TACC1: variants seen among roughly 807,000 people sequenced by gnomAD.
The protein encoded by TACC1 is transforming acidic coiled-coil containing protein 1.
A neutral mutation model predicts 84.4 loss-of-function variants in TACC1; 48 were observed. The ratio of observed to expected loss-of-function variants is 0.57; its 90% CI spans 0.45 to 0.72. The LOEUF (loss-of-function observed/expected upper bound fraction) is 0.72, where lower values mean the gene tolerates loss of function less well. TACC1 is among the 30% of genes least tolerant of loss of function. The pLI, the probability that TACC1 is intolerant of heterozygous loss-of-function variation, is 0.00. For missense variants in TACC1, 920 were observed against 973.0 expected (o/e 0.95, Z 0.72); for synonymous variants, 372 against 376.3 (o/e 0.99, Z 0.13).
chr8:38,807,699 A>G (rs1307863564), intron 2 of TACC1, among the ~76,000 whole-genome samples: 1 of 152,260 alleles, frequency 6.6e-6, no homozygotes, highest in African/African-American at 2.4e-5. Flanking sequence ...AGTTTCAAAA[A>G]TATTTTGTGA....
chr8:38,812,065 G>A (rs1027292682), intron 2 of TACC1, among the ~76,000 whole-genome samples: 4 of 152,154 alleles, frequency 2.6e-5, no homozygotes, highest in African/African-American at 9.7e-5. Flanking sequence ...AGTACCCTCA[G>A]GCTTACTAGG....
chr8:38,742,504 A>G, intron 2 of TACC1: 2 of 1,350,594 alleles, frequency 1.5e-6, no homozygotes, highest in Non-Finnish European at 2.0e-6. Flanking sequence ...TAAAGTAAAA[A>G]TTTTTATTTC....
At chr8:38,786,419 T>C (rs1817146390), upstream of TACC1, among the ~76,000 whole-genome samples, 2 of 152,080 alleles carry the variant, frequency 1.3e-5, no homozygotes, top group African/African-American at 4.8e-5. Context: ...AAAAGGAGAA[T>C]GGGGTCAGGC....
intron 9 of TACC1, among the ~76,000 whole-genome samples, chr8:38,840,974 G>C (rs1029886544): frequency 1.3e-5 from 2 of 152,144 alleles, no homozygotes; most frequent in Non-Finnish European, 2.9e-5. Flanking sequence ...GCTTGAACCT[G>C]GGAGGCGGAA....
intron 3 of TACC1, among the ~76,000 whole-genome samples, chr8:38,753,907 TTC>T (rs1193095109): frequency 7.3e-6 from 1 of 137,078 alleles, no homozygotes; most frequent in Admixed American, 7.1e-5. Context: ...CTTTTTCTTT[TTC>T]TTTCTTTCTT....
At position 38,848,116 on chromosome 8, in the gene TACC1, G is replaced by C; in HGVS notation, c.*93G>C. On this transcript the variant is annotated 3_prime_UTR_variant, in exon 13 of 13. Coordinates refer to ENST00000317827, the MANE Select transcript of TACC1 (RefSeq NM_006283.3). The stretch of plus-strand genomic sequence containing the variant: ...CTTATCCAGGAATAATTGCCCCTTT[G>C]CAGAGAAAAAAAAAAACTTAAAAAA... 8.0e-7 allele frequency: 1 copy of C among 1,256,090 alleles called. No homozygotes were observed. The allele number at this position is 1,256,090 out of a possible 1,614,324, so 77.8% of individuals were successfully genotyped here. A position where few individuals can be genotyped will look rare whatever the true frequency, so the allele number is the denominator to read the frequency against.
intron 2 of TACC1, among the ~76,000 whole-genome samples, chr8:38,813,952 T>TTTG (rs1824844481): frequency 6.6e-6 from 1 of 152,194 alleles, no homozygotes; most frequent in Admixed American, 6.5e-5. Flanking sequence ...TTTGTGGGCA[T>TTTG]TGAAAAGTCC....
intron 2 of TACC1, among the ~76,000 whole-genome samples, chr8:38,819,309 C>T (rs1193593644): frequency 6.6e-6 from 1 of 152,210 alleles, no homozygotes; most frequent in Non-Finnish European, 1.5e-5. Context: ...TTGGATAATG[C>T]ACATACACAA....
chr8:38,739,005 C>T (rs921125242), intron 1 of TACC1, among the ~76,000 whole-genome samples: 17 of 152,326 alleles, frequency 1.1e-4, no homozygotes, highest in Non-Finnish European at 1.9e-4. Context: ...ATTCTCCTGC[C>T]TCAGCCTCCT....
At chr8:38,793,083 CTTAA>C (rs1467325306) in intron 2 of TACC1, among the ~76,000 whole-genome samples, 4 of 152,176 alleles carry the variant, frequency 2.6e-5, no homozygotes, top group African/African-American at 4.8e-5. Context: ...GAAAGAGAAT[CTTAA>C]TTAGTGTAGA....
intron 1 of TACC1, among the ~76,000 whole-genome samples, chr8:38,740,221 G>A (rs546936903): frequency 3.6e-4 from 55 of 152,308 alleles, no homozygotes; most frequent in African/African-American, 1.3e-3. Context: ...TGGGATTTGG[G>A]ACCAGATGAT....
At chr8:38,765,844 AT>A (rs1439832202) in intron 3 of TACC1, among the ~76,000 whole-genome samples, 1 of 152,190 alleles carries the variant, frequency 6.6e-6, no homozygotes, top group East Asian at 1.9e-4. Context: ...CTGAAAAAAA[AT>A]AGGACATCTA....
chr8:38,827,254 A>G lies in TACC1; in HGVS notation c.1539A>G (p.Ser513=), dbSNP rs1460825823. The G allele has an allele frequency of 2.5e-6, 4 of 1,614,188 alleles. No individual in the cohort carries two copies. Among genetic ancestry groups the G allele is most frequent in the South Asian group, 1.1e-5 (1 of 91,088 alleles). The part of the protein sequence containing the change: ...ATDEEKLAST[S]CGQKSAGAEV... ...ATGAGGAGAAACTGGCATCCACGTC[A>G]TGTGGTCAGAAATCAGCTGGTGCCG... Residue 513 remains serine (S), a synonymous_variant, in exon 5 of 13, where the codon TCA becomes TCG. Coordinates refer to ENST00000317827, the MANE Select transcript of TACC1 (RefSeq NM_006283.3).
chr8:38,851,448 A>C lies in TACC1; in HGVS notation c.*3425A>C, dbSNP rs565932158. On this transcript the variant is annotated 3_prime_UTR_variant, in exon 13 of 13. Transcript: ENST00000317827. ...CACTCATTTTCCATAAAGGTAACAA[A>C]GGGCAGCTCAGTGGTTACTCAAGCT... 6.5e-6 allele frequency: 1 copy of C among 154,946 alleles called. No individual in the cohort carries two copies. The highest frequency in any genetic ancestry group is 2.4e-5 in the African/African-American group (1 of 41,600). 9.6% of individuals were successfully genotyped at this position (154,946 alleles called of 1,614,324 possible).
chr8:38,795,815 A>G (rs1342936867), intron 2 of TACC1, among the ~76,000 whole-genome samples: 1 of 152,206 alleles, frequency 6.6e-6, no homozygotes, highest in East Asian at 1.9e-4. Flanking sequence ...TTGCATGTAC[A>G]TGACCTAATT....
At chr8:38,784,674 AG>A (rs1489534670), upstream of TACC1, among the ~76,000 whole-genome samples, 1 of 152,174 alleles carries the variant, frequency 6.6e-6, no homozygotes, top group Non-Finnish European at 1.5e-5. Flanking sequence ...AGATTTCCCC[AG>A]GGGGAGTCAG....
intron 3 of TACC1, among the ~76,000 whole-genome samples, chr8:38,777,990 G>A (rs758846198): frequency 6.6e-5 from 10 of 152,220 alleles, no homozygotes; most frequent in Non-Finnish European, 1.2e-4. Flanking sequence ...GATACAGATG[G>A]ATACAGGATG....
At chr8:38,838,011 A>T (rs185849381) in intron 7 of TACC1, among the ~76,000 whole-genome samples, 69 of 152,394 alleles carry the variant, frequency 4.5e-4, no homozygotes, top group Middle Eastern at 6.8e-3. Context: ...AGAAATCTCT[A>T]TAGAAAGAGA....
intron 3 of TACC1, among the ~76,000 whole-genome samples, chr8:38,769,547 TG>T (rs1018009175): frequency 3.1e-5 from 4 of 129,628 alleles, no homozygotes; most frequent in Admixed American, 7.9e-5. Context: ...GTGTATGGGT[TG>T]GGGGTGGGAG....
Sources: allele counts gnomAD v4.1 joint callset (sites outside exome capture counted in the v4.1 genomes callset), GRCh38; gene constraint gnomAD v4.1.1; transcripts MANE v1.5; gene names NCBI Gene and HGNC (gene_info 2026-07-23, HGNC 2026-07-21).